Variants in COL25A1 observed in about 807,000 individuals in gnomAD.
The protein encoded by COL25A1 is collagen alpha-1(XXV) chain.
A neutral mutation model predicts 128.4 loss-of-function variants in COL25A1; 103 were observed. That is an observed-to-expected ratio of 0.80 (90% CI 0.68 to 0.94). The LOEUF (loss-of-function observed/expected upper bound fraction) is 0.94, where lower values mean the gene tolerates loss of function less well. Among genes scored for constraint, COL25A1 ranks in the 40% least tolerant of loss-of-function variants. The pLI, the probability that COL25A1 is intolerant of heterozygous loss-of-function variation, is 0.00. For missense variants in COL25A1, 745 were observed against 840.0 expected (o/e 0.89, Z 1.40); for synonymous variants, 279 against 277.2 (o/e 1.01, Z -0.06).
chr4:109,301,951 G>C lies in COL25A1; in HGVS notation c.69C>G (p.Ala23=). ...REPRSEDPTP[A]EQHCARTMPP... is the part of the protein sequence containing the mutation. The stretch of plus-strand genomic sequence containing the variant: ...GCATGGTCCGGGCACAATGCTGTTC[G>C]GCAGGGGTCGGGTCCTCGGATCTGG... The change falls in exon 2 of 38, where the codon GCC becomes GCG. Residue 23 remains alanine (A), a synonymous_variant. Transcript: ENST00000399132. 1.2e-6 allele frequency: 2 copies of C among 1,612,830 alleles called. No individual in the cohort carries two copies. The highest frequency in any genetic ancestry group is 1.7e-6 in the Non-Finnish European group (2 of 1,179,718).
At chr4:109,123,703 T>C (rs1329856241) in intron 3 of COL25A1, among the ~76,000 whole-genome samples, 3 of 152,090 alleles carry the variant, frequency 2.0e-5, no homozygotes, top group Non-Finnish European at 4.4e-5. Context: ...AAAAATGAAA[T>C]TATTTCCACA....
chr4:109,087,809 A>C (rs1170877738), intron 3 of COL25A1, among the ~76,000 whole-genome samples: 3 of 152,062 alleles, frequency 2.0e-5, no homozygotes, highest in Non-Finnish European at 4.4e-5. Flanking sequence ...GAATAATTAG[A>C]ATTCCCATAA....
chr4:109,010,296 A>C, intron 6 of COL25A1, 62 bp downstream of exon 6: 2 of 1,256,822 alleles, frequency 1.6e-6, no homozygotes, highest in East Asian at 2.5e-5. Flanking sequence ...GAATTGCAGA[A>C]AGACCTCCAC....
chr4:108,869,660 A>T (rs1267478191), intron 19 of COL25A1, among the ~76,000 whole-genome samples: 1 of 152,190 alleles, frequency 6.6e-6, no homozygotes, highest in Non-Finnish European at 1.5e-5. Flanking sequence ...TTGGTGTTGG[A>T]AAATACTTGA....
At chr4:109,073,904 C>T (rs562205556) in intron 3 of COL25A1, among the ~76,000 whole-genome samples, 6 of 152,104 alleles carry the variant, frequency 3.9e-5, no homozygotes, top group Admixed American at 6.6e-5. Flanking sequence ...AATAGAAAAA[C>T]AAAAACAATG....
At chr4:109,115,828 G>T (rs564668168) in intron 3 of COL25A1, among the ~76,000 whole-genome samples, 1 of 151,976 alleles carries the variant, frequency 6.6e-6, no homozygotes, top group Non-Finnish European at 1.5e-5. Context: ...AAAGGAGCAC[G>T]AGATGGAGAG....
intron 3 of COL25A1, among the ~76,000 whole-genome samples, chr4:109,098,913 G>A (rs892057450): frequency 6.6e-6 from 1 of 152,170 alleles, no homozygotes; most frequent in Non-Finnish European, 1.5e-5. Flanking sequence ...AGACTGCCTT[G>A]GTTCACTTCT....
At chr4:108,956,963 C>T (rs1206586079) in intron 8 of COL25A1, among the ~76,000 whole-genome samples, 2 of 152,058 alleles carry the variant, frequency 1.3e-5, no homozygotes, top group Non-Finnish European at 2.9e-5. Flanking sequence ...TACATAAATA[C>T]ACAATTGAGG....
intron 13 of COL25A1, among the ~76,000 whole-genome samples, chr4:108,912,943 G>A (rs930730814): frequency 3.3e-5 from 5 of 152,038 alleles, no homozygotes; most frequent in African/African-American, 9.7e-5. Flanking sequence ...AAATCACTTA[G>A]CTATTTGTGA....
chr4:108,889,308 A>G (rs920803175), intron 17 of COL25A1, 52 bp from the exon 18 acceptor site: 2 of 1,579,266 alleles, frequency 1.3e-6, no homozygotes, highest in Non-Finnish European at 1.7e-6. Flanking sequence ...GAATTTTCTA[A>G]AACACTTAGA....
intron 3 of COL25A1, among the ~76,000 whole-genome samples, chr4:109,183,102 A>C (rs1774819028): frequency 6.6e-6 from 1 of 152,160 alleles, no homozygotes; most frequent in Non-Finnish European, 1.5e-5. Context: ...ATAATGTATT[A>C]GCCATATATG....
chr4:108,816,382 CT>C (rs766936863), intron 37 of COL25A1, among the ~76,000 whole-genome samples: 7 of 152,130 alleles, frequency 4.6e-5, no homozygotes, highest in Non-Finnish European at 1.0e-4. Context: ...TGAAGCATGC[CT>C]GTCCAAAATT....
chr4:108,826,990 T>A (rs888916465), intron 33 of COL25A1, 145 bp downstream of exon 33: 1 of 714,950 alleles, frequency 1.4e-6, no homozygotes, highest in African/African-American at 1.8e-5. Flanking sequence ...GTGAAGGACA[T>A]GGAAGTACTG....
chr4:109,162,215 G>C (rs1367678101), intron 3 of COL25A1, among the ~76,000 whole-genome samples: 2 of 152,186 alleles, frequency 1.3e-5, no homozygotes, highest in African/African-American at 4.8e-5. Context: ...TTTTAAGGAA[G>C]AAGAGGAGAA....
chr4:108,823,329 C>T (rs1273333107), intron 35 of COL25A1, among the ~76,000 whole-genome samples: 4 of 151,248 alleles, frequency 2.6e-5, no homozygotes, highest in African/African-American at 7.3e-5. Context: ...AGATTTACTA[C>T]CAGGTAAAAG....
intron 5 of COL25A1, among the ~76,000 whole-genome samples, chr4:109,034,295 A>G (rs1759137348): frequency 6.6e-6 from 1 of 152,182 alleles, no homozygotes; most frequent in Non-Finnish European, 1.5e-5. Context: ...TAAACTATGA[A>G]AAATGTCATT....
intron 5 of COL25A1, among the ~76,000 whole-genome samples, chr4:109,043,968 T>C (rs932884420): frequency 1.3e-5 from 2 of 150,630 alleles, no homozygotes; most frequent in South Asian, 4.1e-4. Context: ...TATTCTAATA[T>C]GTGTTACCTT....
At chr4:109,101,488 G>T (rs1191314768) in intron 3 of COL25A1, among the ~76,000 whole-genome samples, 1 of 152,180 alleles carries the variant, frequency 6.6e-6, no homozygotes, top group Non-Finnish European at 1.5e-5. Context: ...ATTTGGGAGA[G>T]CGGGGGATAG....
intron 3 of COL25A1, among the ~76,000 whole-genome samples, chr4:109,278,259 A>G (rs1167133897): frequency 2.0e-5 from 3 of 152,190 alleles, no homozygotes; most frequent in Non-Finnish European, 4.4e-5. Context: ...AACATAATCT[A>G]CTTGTCAGAG....
Sources: allele counts gnomAD v4.1 joint callset (sites outside exome capture counted in the v4.1 genomes callset), GRCh38; gene constraint gnomAD v4.1.1; transcripts MANE v1.5; gene names NCBI Gene and HGNC (gene_info 2026-07-23, HGNC 2026-07-21).